Variants in WDR20 observed in about 807,000 individuals in gnomAD.
The protein encoded by WDR20 is WD repeat domain 20.
A neutral mutation model predicts 38.7 loss-of-function variants in WDR20; 3 were observed. That is an observed-to-expected ratio of 0.08 (90% CI 0.04 to 0.20). The LOEUF (loss-of-function observed/expected upper bound fraction) is 0.20. Ranked by LOEUF, WDR20 falls within the 10% of genes least tolerant of loss-of-function variation. The pLI is 1.00. For missense variants in WDR20, 559 were observed against 727.7 expected (o/e 0.77, Z 2.67); for synonymous variants, 298 against 285.6 (o/e 1.04, Z -0.44).
chr14:102,167,523 ATTC>A (rs1407364727), intron 1 of WDR20: 1 of 152,210 alleles, frequency 6.6e-6, no homozygotes, highest in Admixed American at 6.6e-5. Context: ...CCCAGCCTAG[ATTC>A]TTCTTAATAT....
rs149689238 is a variant in WDR20 at position 102,183,741 on chromosome 14, C to T, written c.250-11197C>T. Among the ~76,000 whole-genome samples, 289 of 152,268 alleles carry T rather than the reference C, an allele frequency of 1.9e-3. 1 individual carries two copies. Among genetic ancestry groups the T allele is most frequent in the Middle Eastern group, 0.01 (3 of 294 alleles). On this transcript the variant is annotated intron_variant, in intron 1 of 2. Transcript: ENST00000342702. ...TCACTTAGGATGGGAACTCTTCTAC[C>T]GATTGTTGCTTATGTTACTCAGCAA...
intron 1 of WDR20, among the ~76,000 whole-genome samples, chr14:102,174,332 G>C (rs2061605661): frequency 6.6e-6 from 1 of 152,160 alleles, no homozygotes; most frequent in Non-Finnish European, 1.5e-5. Context: ...GTTTTCCATA[G>C]CGGTTGTACT....
downstream of WDR20, among the ~76,000 whole-genome samples, chr14:102,216,646 T>C (rs1326304169): frequency 6.6e-6 from 1 of 152,192 alleles, no homozygotes; most frequent in Non-Finnish European, 1.5e-5. Context: ...TAGCTAGTTC[T>C]CAGCTGGGCA....
chr14:102,195,219 AT>A, intron 2 of WDR20, 99 bp downstream of exon 2: 3 of 1,362,934 alleles, frequency 2.2e-6, no homozygotes, highest in Non-Finnish European at 3.0e-6. Flanking sequence ...AGCTAAGCCC[AT>A]TTTTTATTCG....
rs1291689636 is a variant in WDR20 at position 102,139,918 on chromosome 14, T to A, written c.-6T>A. 8 of 1,611,870 alleles carry A rather than the reference T, an allele frequency of 5.0e-6. No homozygotes were observed. The highest frequency in any genetic ancestry group is 5.9e-6 in the Non-Finnish European group (7 of 1,178,078). ...ACTTAGGGCAGGATGAACGCTGCTT[T>A]CCAAGATGGCGACGGAGGGAGGAGG... is the stretch of plus-strand genomic sequence containing the variant. On this transcript the variant is annotated 5_prime_UTR_variant, in exon 1 of 3. Transcript: ENST00000342702.
rs1298767808 is a variant in WDR20 at position 102,222,915 on chromosome 14, G to T, written c.*32G>T. 6.2e-7 allele frequency: 1 copy of T among 1,613,682 alleles called. No homozygotes were observed. ...CACTGCTGCGCGCACAGTCTCCCGG[G>T]ACTTGGACTCGAGGGAGTGACGAGG... On this transcript the variant is annotated 3_prime_UTR_variant, in exon 4 of 4. Transcript: ENST00000335263. This position sits in a 1 kb window ranked among gnomAD's most constrained non-coding sequence, Gnocchi z 4.4.
At chr14:102,189,688 C>A (rs1173760723) in intron 1 of WDR20, among the ~76,000 whole-genome samples, 1 of 151,986 alleles carries the variant, frequency 6.6e-6, no homozygotes. Flanking sequence ...GGGATGCAAA[C>A]CATTTTTTGA....
intron 2 of WDR20, chr14:102,197,754 G>A (rs1217702785): frequency 1.4e-6 from 1 of 700,550 alleles, no homozygotes; most frequent in Non-Finnish European, 2.6e-6. Context: ...TGTTTTTTTA[G>A]AACTCTTGTC....
exon 4 of WDR20, chr14:102,223,122 G>T: frequency 2.5e-6 from 1 of 395,642 alleles, no homozygotes; most frequent in Non-Finnish European, 4.5e-6. Context: ...AAGAAATGGA[G>T]TTTTCTTGCT....
downstream of WDR20, chr14:102,210,658 C>A: frequency 3.9e-6 from 2 of 506,660 alleles, no homozygotes; most frequent in Non-Finnish European, 5.1e-6. Flanking sequence ...GCCACATAAG[C>A]GAAGACCTTT....
intron 2 of WDR20, among the ~76,000 whole-genome samples, chr14:102,206,727 C>T (rs1372665032): frequency 6.6e-6 from 1 of 152,180 alleles, no homozygotes; most frequent in Admixed American, 6.5e-5. Context: ...ACCCTTAGGC[C>T]CTGGGCGATC....
At chr14:102,191,712 C>T (rs904834112) in intron 1 of WDR20, among the ~76,000 whole-genome samples, 1 of 152,148 alleles carries the variant, frequency 6.6e-6, no homozygotes, top group East Asian at 1.9e-4. Flanking sequence ...CCTGGCTGGA[C>T]TTCTGCTGTT....
rs566358433 is a variant in WDR20 at position 102,222,130 on chromosome 14, A to G, written c.1693-700A>G. On this transcript the variant is annotated intron_variant, in intron 3 of 3. Coordinates refer to the WDR20 transcript ENST00000335263. The surrounding 1 kb of genome is among the most constrained non-coding windows in gnomAD (Gnocchi z 4.4). ...TGAGCCTCTCAGCAGGAGCCGCCCT[A>G]AAGAGCCAGATGCCCCCCACCATTC... is the stretch of plus-strand genomic sequence containing the variant. 8.4e-4 allele frequency among the ~76,000 whole-genome samples: 117 copies of G among 139,336 alleles called. No homozygotes were observed. Among genetic ancestry groups the G allele is most frequent in the Non-Finnish European group, 1.5e-3 (98 of 64,830 alleles). 91.4% of individuals were successfully genotyped at this position (139,336 alleles called of 152,430 possible).
downstream of WDR20, among the ~76,000 whole-genome samples, chr14:102,218,137 C>T (rs771472737): frequency 2.6e-5 from 4 of 152,230 alleles, no homozygotes; most frequent in South Asian, 2.1e-4. Context: ...TGCCCGCCCG[C>T]GTGCCTGCCA....
Position 102,210,032 on chromosome 14 carries a change from A to G in WDR20, c.*152A>G. 8 of 1,417,634 alleles carry G rather than the reference A, an allele frequency of 5.6e-6. No homozygotes were observed. Among genetic ancestry groups the G allele is most frequent in the Non-Finnish European group, 6.4e-6 (7 of 1,092,472 alleles). 87.8% of individuals were successfully genotyped at this position (1,417,634 alleles called of 1,614,324 possible). Reference sequence around the variant, plus strand: ...AATTTTGGATACTGCATGCCATGTAATTCTGAATCATTTGATAATTTACCT... The same window carrying G: ...AATTTTGGATACTGCATGCCATGTAGTTCTGAATCATTTGATAATTTACCT... On this transcript the variant is annotated 3_prime_UTR_variant, in exon 3 of 3. Coordinates refer to ENST00000342702, the MANE Select transcript of WDR20 (RefSeq NM_144574.4).
downstream of WDR20, among the ~76,000 whole-genome samples, chr14:102,218,343 G>C (rs1220114941): frequency 6.6e-6 from 1 of 152,196 alleles, no homozygotes; most frequent in Non-Finnish European, 1.5e-5. Context: ...TCACAGGCCA[G>C]GGGTCGTGGG....
intron 1 of WDR20, chr14:102,193,569 C>T: frequency 6.4e-7 from 1 of 1,562,408 alleles, no homozygotes. Context: ...TGCCCTGGGG[C>T]TCCCAGAACT....
chr14:102,161,792 C>T (rs1018645855), intron 1 of WDR20, among the ~76,000 whole-genome samples: 1 of 152,012 alleles, frequency 6.6e-6, no homozygotes, highest in African/African-American at 2.4e-5. Context: ...TTCACATCAC[C>T]GTACCACATA....
chr14:102,216,457 A>G (rs1034740193), downstream of WDR20, among the ~76,000 whole-genome samples: 7 of 152,080 alleles, frequency 4.6e-5, no homozygotes, highest in African/African-American at 7.2e-5. Context: ...AAACTCAGCT[A>G]ATTTTTGTGT....
Sources: allele counts gnomAD v4.1 joint callset (sites outside exome capture counted in the v4.1 genomes callset), GRCh38; gene constraint gnomAD v4.1.1; non-coding constraint Gnocchi (gnomAD v3.1); transcripts MANE v1.5; gene names NCBI Gene and HGNC (gene_info 2026-07-23, HGNC 2026-07-21).